The following GNAQ variants were observed in gnomAD, a reference collection of about 807,000 sequenced individuals.
GNAQ encodes the protein G protein subunit alpha q.
GNAQ carries 8 observed loss-of-function variants against 43.9 expected under a neutral mutation model. The observed-to-expected ratio is 0.18, with a 90% confidence interval of 0.11 to 0.33. The LOEUF is 0.33. Ranked by LOEUF, GNAQ falls within the 10% of genes least tolerant of loss-of-function variation. The probability of loss-of-function intolerance (pLI) is 1.00; values close to 1 mark genes in which losing one functional copy is unlikely to be tolerated. For missense variants in GNAQ, 158 were observed against 450.8 expected, an observed-to-expected ratio of 0.35 and a Z score of 5.88; for synonymous variants, 155 against 170.7, an observed-to-expected ratio of 0.91 and a Z score of 0.71.
At chr9:77,875,103 T>C (rs1828107120) in intron 2 of GNAQ, among the ~76,000 whole-genome samples, 1 of 152,158 alleles carries the variant, frequency 6.6e-6, no homozygotes, top group South Asian at 2.1e-4. Context: ...AACAGCATGC[T>C]AAATGCAAAG....
At chr9:77,727,697 T>C (rs1214699706) in intron 6 of GNAQ, among the ~76,000 whole-genome samples, 2 of 152,194 alleles carry the variant, frequency 1.3e-5, no homozygotes, top group African/African-American at 2.4e-5. Context: ...ACATATGTTA[T>C]ATACTACAGT....
At chr9:77,931,672 T>C (rs903916069) in intron 1 of GNAQ, among the ~76,000 whole-genome samples, 1 of 152,190 alleles carries the variant, frequency 6.6e-6, no homozygotes, top group Admixed American at 6.5e-5. Flanking sequence ...TCTTCCACTT[T>C]ATACATCTAT....
chr9:78,030,560 C>T (rs746912253), intron 1 of GNAQ: 3 of 471,110 alleles, frequency 6.4e-6, no homozygotes, highest in Non-Finnish European at 1.3e-5. Context: ...CACCGTTCCC[C>T]CATTCCCTCC....
chr9:77,788,507 T>G (rs1463332733), intron 5 of GNAQ, among the ~76,000 whole-genome samples: 1 of 152,160 alleles, frequency 6.6e-6, no homozygotes, highest in African/African-American at 2.4e-5. Flanking sequence ...TGAAAAACTA[T>G]GCCTAGGAAT....
chr9:77,743,188 G>A (rs1406050797), intron 5 of GNAQ, among the ~76,000 whole-genome samples: 1 of 152,304 alleles, frequency 6.6e-6, no homozygotes, highest in Admixed American at 6.5e-5. Context: ...AACCCGGGAG[G>A]CGGAGGTTGC....
intron 2 of GNAQ, among the ~76,000 whole-genome samples, chr9:77,840,348 TTTTTG>T (rs1827468569): frequency 2.0e-5 from 2 of 100,152 alleles, no homozygotes; most frequent in South Asian, 6.3e-4. Flanking sequence ...ATTTGATTAC[TTTTTG>T]TTTTTTTTTT....
intron 2 of GNAQ, among the ~76,000 whole-genome samples, chr9:77,899,541 A>G (rs558949419): frequency 7.3e-6 from 1 of 136,676 alleles, no homozygotes; most frequent in Non-Finnish European, 1.7e-5. Flanking sequence ...TTATTCAAAG[A>G]ATCACATTAA....
At chr9:77,814,590 G>C (rs1229315572) in intron 3 of GNAQ, among the ~76,000 whole-genome samples, 1 of 152,142 alleles carries the variant, frequency 6.6e-6, no homozygotes, top group Non-Finnish European at 1.5e-5. Flanking sequence ...CCTAGAATTA[G>C]AGTAAAAGCA....
chr9:77,775,961 A>C (rs1389324337), intron 5 of GNAQ, among the ~76,000 whole-genome samples: 2 of 152,190 alleles, frequency 1.3e-5, no homozygotes, highest in Non-Finnish European at 2.9e-5. Flanking sequence ...AAAAGAAAAA[A>C]ATTCAATTTA....
Position 78,031,765 on chromosome 9 carries a change from C to T in GNAQ, c.-530G>A, listed in dbSNP as rs912342583. 1.4e-5 allele frequency among the ~76,000 whole-genome samples: 2 copies of T among 147,690 alleles called. No homozygotes were observed. Among genetic ancestry groups the T allele is most frequent in the South Asian group, 4.2e-4 (2 of 4,806 alleles). On this transcript the variant is annotated 5_prime_UTR_variant, in exon 1 of 7. Transcript: ENST00000286548. ...GGGCGCCCTCGGCCCTGTCCGCGCCCACCGCCCGGCTCGCGCGCAGACCCG... is the reference window on the plus strand; with the variant it reads ...GGGCGCCCTCGGCCCTGTCCGCGCCTACCGCCCGGCTCGCGCGCAGACCCG...
intron 5 of GNAQ, among the ~76,000 whole-genome samples, chr9:77,745,226 C>A (rs1825710990): frequency 6.6e-6 from 1 of 152,094 alleles, no homozygotes; most frequent in African/African-American, 2.4e-5. Flanking sequence ...CTGGGTTCTG[C>A]CATCTTTACA....
chr9:78,022,096 T>C (rs1823917952), intron 1 of GNAQ, among the ~76,000 whole-genome samples: 1 of 152,088 alleles, frequency 6.6e-6, no homozygotes, highest in Non-Finnish European at 1.5e-5. Flanking sequence ...CCCCTCAAAG[T>C]GCTCCCCACT....
chr9:77,864,010 T>G (rs1209883220), intron 2 of GNAQ, among the ~76,000 whole-genome samples: 1 of 152,006 alleles, frequency 6.6e-6, no homozygotes, highest in Non-Finnish European at 1.5e-5. Flanking sequence ...AAAAGAGGTT[T>G]ATTTGGCTCA....
At chr9:77,935,723 T>C (rs1205876723) in intron 1 of GNAQ, among the ~76,000 whole-genome samples, 2 of 152,182 alleles carry the variant, frequency 1.3e-5, no homozygotes, top group Non-Finnish European at 2.9e-5. Flanking sequence ...GCTGTTTCAT[T>C]AATTTAAATT....
At chr9:77,894,338 T>TATATATATTTAATAGAAAATATATAA (rs74207105) in intron 2 of GNAQ, among the ~76,000 whole-genome samples, 1 of 9,962 alleles carries the variant, frequency 1.0e-4, no homozygotes, top group Non-Finnish European at 2.9e-4. Flanking sequence ...AAAATATATA[T>TATATATATTTAATAGAAAATATATAA]TATATATATT....
chr9:77,774,071 G>C (rs1198957466), intron 5 of GNAQ, among the ~76,000 whole-genome samples: 1 of 151,972 alleles, frequency 6.6e-6, no homozygotes, highest in Non-Finnish European at 1.5e-5. Flanking sequence ...CCACCAAAGT[G>C]GTCCACATTC....
intron 1 of GNAQ, among the ~76,000 whole-genome samples, chr9:77,993,968 C>G (rs1214999074): frequency 6.6e-6 from 1 of 152,112 alleles, no homozygotes; most frequent in Non-Finnish European, 1.5e-5. Context: ...TTTTCCCTTA[C>G]TGAAGCTGCT....
At chr9:77,972,885 G>A (rs1358086210) in intron 1 of GNAQ, among the ~76,000 whole-genome samples, 2 of 151,224 alleles carry the variant, frequency 1.3e-5, no homozygotes, top group Non-Finnish European at 1.5e-5. Context: ...CCCGGGTGGT[G>A]GAGTTTGCAG....
chr9:77,883,723 C>T (rs912868943), intron 2 of GNAQ, among the ~76,000 whole-genome samples: 10 of 151,944 alleles, frequency 6.6e-5, no homozygotes, highest in African/African-American at 2.2e-4. Context: ...TGCACTGAGT[C>T]TGTGGACCAG....
Sources: allele counts gnomAD v4.1 joint callset (sites outside exome capture counted in the v4.1 genomes callset), GRCh38; gene constraint gnomAD v4.1.1; transcripts MANE v1.5; gene names NCBI Gene and HGNC (gene_info 2026-07-23, HGNC 2026-07-21).